CD1B: variants seen among roughly 807,000 people sequenced by gnomAD.
CD1B encodes the protein CD1b molecule.
In CD1B, 43 loss-of-function variants were observed where a neutral mutation model predicts 39.8. The observed-to-expected ratio is 1.08, with a 90% CI of 0.85 to 1.39. The LOEUF (loss-of-function observed/expected upper bound fraction) is 1.39, where lower values mean the gene tolerates loss of function less well. Ranked by LOEUF, CD1B falls within the 40% of genes most tolerant of loss-of-function variation. The pLI, the probability that CD1B is intolerant of heterozygous loss-of-function variation, is 0.00. For synonymous variants in CD1B, 192 were observed against 152.5 expected, an observed-to-expected ratio of 1.26 and a Z score of -1.91; for missense variants, 495 against 403.8, an observed-to-expected ratio of 1.23 and a Z score of -1.94.
At chr1:158,317,822 A>C in the CD1B span, among the ~76,000 whole-genome samples, 3 of 152,162 alleles carry the variant, frequency 2.0e-5, no homozygotes, top group Non-Finnish European at 4.4e-5. Context: ...TTCCCTCTAC[A>C]CACTGCTTTG....
At position 158,330,866 on chromosome 1, in the gene CD1B, C is replaced by G. The variant is rs773832586; in HGVS notation, c.258G>C (p.Glu86Asp). Residue 86 changes from glutamate to aspartate, a missense_variant, in exon 2 of 6, where the codon GAG (glutamate) becomes GAC (aspartate). Physicochemically the swap from Glu to Asp is conservative, Grantham distance 45 (BLOSUM62 2). Transcript: ENST00000368168. Reference sequence around the variant, plus strand: ...ATCCAAAGATGTAGACTCGGAATATCTCCTCTAACTCAGCAACCTCCTTAT... The same window carrying G: ...ATCCAAAGATGTAGACTCGGAATATGTCCTCTAACTCAGCAACCTCCTTAT... The part of the protein sequence containing the change: ...FSDKEVAELE[E>D]IFRVYIFGFA... 26 of 1,614,066 alleles carry G rather than the reference C, an allele frequency of 1.6e-5. No homozygotes were observed. The South Asian group carries it at 2.4e-4, about 15-fold the overall frequency.
At chr1:158,313,248 C>G in the CD1B span, among the ~76,000 whole-genome samples, 10 of 152,244 alleles carry the variant, frequency 6.6e-5, no homozygotes, top group East Asian at 1.9e-3. Context: ...ATTTAGTTTG[C>G]TAGCATTTTC....
chr1:158,319,143 T>G, the CD1B span, among the ~76,000 whole-genome samples: 26 of 151,260 alleles, frequency 1.7e-4, no homozygotes, highest in Admixed American at 1.7e-3. Flanking sequence ...TTATGTGTCT[T>G]GGAGTTGCTC....
the CD1B span, among the ~76,000 whole-genome samples, chr1:158,316,244 G>T: frequency 6.6e-6 from 1 of 151,926 alleles, no homozygotes; most frequent in Admixed American, 6.6e-5. Flanking sequence ...AAATTACCTT[G>T]GGCAGTATGG....
At chr1:158,308,794 C>T in the CD1B span, among the ~76,000 whole-genome samples, 2 of 152,160 alleles carry the variant, frequency 1.3e-5, no homozygotes, top group Non-Finnish European at 2.9e-5. Flanking sequence ...AAAGCTGAAA[C>T]TGGATCCCTT....
chr1:158,304,111 T>A, the CD1B span, among the ~76,000 whole-genome samples: 1 of 151,860 alleles, frequency 6.6e-6, no homozygotes, highest in Non-Finnish European at 1.5e-5. Flanking sequence ...GTGGGTGCAG[T>A]TCACCCAGCG....
At chr1:158,288,170 T>C in the CD1B span, among the ~76,000 whole-genome samples, 1 of 152,212 alleles carries the variant, frequency 6.6e-6, no homozygotes, top group African/African-American at 2.4e-5. Flanking sequence ...TGCTTATGAA[T>C]GATTTGGGTA....
chr1:158,293,381 T>C, the CD1B span: 1 of 1,594,506 alleles, frequency 6.3e-7, no homozygotes, highest in Non-Finnish European at 8.6e-7. Flanking sequence ...CTTTTCTCTA[T>C]TGACTACTCC....
the CD1B span, among the ~76,000 whole-genome samples, chr1:158,287,814 T>G: frequency 6.6e-6 from 1 of 152,232 alleles, no homozygotes. Flanking sequence ...TTATTTCTCA[T>G]GCAGTTAAAC....
intron 4 of CD1B, 37 bp downstream of exon 4, chr1:158,329,333 C>T (rs1652486972): frequency 5.7e-6 from 9 of 1,590,062 alleles, no homozygotes; most frequent in Admixed American, 1.7e-5. Context: ...AAGATCACTT[C>T]CTGGCATTTC....
At chr1:158,301,564 T>C in the CD1B span, among the ~76,000 whole-genome samples, 1 of 152,200 alleles carries the variant, frequency 6.6e-6, no homozygotes, top group African/African-American at 2.4e-5. Context: ...TTTGGGTGGA[T>C]ATGAAATTCT....
the CD1B span, among the ~76,000 whole-genome samples, chr1:158,315,353 CTGGTGTGAGA>C: frequency 8.6e-5 from 13 of 151,660 alleles, no homozygotes; most frequent in Admixed American, 8.5e-4. Context: ...GCCATTCTAA[CTGGTGTGAGA>C]TGGTATCTCA....
chr1:158,312,547 T>C, the CD1B span, among the ~76,000 whole-genome samples: 569 of 152,334 alleles, frequency 3.7e-3, 5 homozygotes, highest in Non-Finnish European at 6.3e-3. Context: ...CAGTGTTTTA[T>C]AGATTTTTTT....
At chr1:158,312,805 T>C in the CD1B span, among the ~76,000 whole-genome samples, 2 of 152,220 alleles carry the variant, frequency 1.3e-5, no homozygotes, top group South Asian at 4.1e-4. Context: ...CAGGGATAAT[T>C]TGACTTCCTT....
chr1:158,289,473 A>T, the CD1B span, among the ~76,000 whole-genome samples: 1 of 152,238 alleles, frequency 6.6e-6, no homozygotes, highest in African/African-American at 2.4e-5. Context: ...AGATGTAAAA[A>T]GCAACGTCTC....
chr1:158,310,707 A>T, the CD1B span, among the ~76,000 whole-genome samples: 2 of 152,178 alleles, frequency 1.3e-5, no homozygotes, highest in Non-Finnish European at 2.9e-5. Flanking sequence ...AAGCATATTT[A>T]AAAATTCTCA....
the CD1B span, among the ~76,000 whole-genome samples, chr1:158,316,439 C>G: frequency 6.6e-6 from 1 of 151,738 alleles, no homozygotes; most frequent in African/African-American, 2.4e-5. Context: ...GGATTTCACT[C>G]ATGATTTGGC....
chr1:158,320,301 A>G, the CD1B span, among the ~76,000 whole-genome samples: 1 of 152,274 alleles, frequency 6.6e-6, no homozygotes, highest in South Asian at 2.1e-4. Context: ...GGTGCTAGCA[A>G]TCAGCTAGAC....
chr1:158,308,471 GA>G, the CD1B span, among the ~76,000 whole-genome samples: 2 of 152,108 alleles, frequency 1.3e-5, no homozygotes, highest in East Asian at 1.9e-4. Flanking sequence ...CACAGAATTG[GA>G]AAAAACTACT....
Sources: allele counts gnomAD v4.1 joint callset (sites outside exome capture counted in the v4.1 genomes callset), GRCh38; gene constraint gnomAD v4.1.1; transcripts MANE v1.5; gene names NCBI Gene and HGNC (gene_info 2026-07-23, HGNC 2026-07-21).